BNC2: variants seen among roughly 807,000 people sequenced by gnomAD.
BNC2 encodes the protein basonuclin zinc finger protein 2.
Under a neutral mutation model 76.3 loss-of-function variants are expected in BNC2, and 20 were observed. The observed-to-expected ratio is 0.26, with a 90% CI of 0.18 to 0.38. The LOEUF (loss-of-function observed/expected upper bound fraction) is 0.38. Among genes scored for constraint, BNC2 ranks in the 10% least tolerant of loss-of-function variants. The probability of loss-of-function intolerance (pLI) is 1.00; values close to 1 mark genes in which losing one functional copy is unlikely to be tolerated. For missense variants in BNC2, 1,382 were observed against 1,399.8 expected (o/e 0.99, Z 0.20); for synonymous variants, 582 against 514.8 (o/e 1.13, Z -1.77).
intron 5 of BNC2, among the ~76,000 whole-genome samples, chr9:16,532,580 T>G (rs1292774255): frequency 6.6e-6 from 1 of 152,208 alleles, no homozygotes; most frequent in Non-Finnish European, 1.5e-5. Context: ...TCGGAAATTT[T>G]GGGAGTTGGT....
chr9:16,670,934 G>A (rs535411882), intron 3 of BNC2, among the ~76,000 whole-genome samples: 1 of 152,206 alleles, frequency 6.6e-6, no homozygotes, highest in African/African-American at 2.4e-5. Flanking sequence ...TCGCTAATTA[G>A]CACCTTCCCC....
chr9:16,614,215 G>A (rs538962035), intron 3 of BNC2, among the ~76,000 whole-genome samples: 20 of 152,262 alleles, frequency 1.3e-4, no homozygotes, highest in African/African-American at 4.8e-4. Flanking sequence ...TGAGATCTAC[G>A]GAAGAACTTC....
intron 1 of BNC2, among the ~76,000 whole-genome samples, chr9:16,739,641 C>T (rs1824784223): frequency 6.6e-6 from 1 of 152,094 alleles, no homozygotes; most frequent in Non-Finnish European, 1.5e-5. Context: ...CATTGCACTC[C>T]ACCCTGGGCA....
At chr9:16,760,925 T>C (rs1825534665) in intron 1 of BNC2, among the ~76,000 whole-genome samples, 1 of 152,040 alleles carries the variant, frequency 6.6e-6, no homozygotes, top group East Asian at 1.9e-4. Flanking sequence ...AACCAAGAAG[T>C]TCTGTTATCC....
intron 5 of BNC2, among the ~76,000 whole-genome samples, chr9:16,551,263 G>A (rs1587159890): frequency 6.6e-6 from 1 of 152,198 alleles, no homozygotes; most frequent in Non-Finnish European, 1.5e-5. Context: ...TCTGAGAGCA[G>A]ACAGGTTATT....
At chr9:16,845,395 A>T (rs1304828986) in intron 1 of BNC2, among the ~76,000 whole-genome samples, 3 of 152,172 alleles carry the variant, frequency 2.0e-5, no homozygotes, top group Admixed American at 2.0e-4. Flanking sequence ...TAATATACGC[A>T]TTAGAAAGAA....
At chr9:16,623,904 T>C (rs913737949) in intron 3 of BNC2, among the ~76,000 whole-genome samples, 24 of 152,196 alleles carry the variant, frequency 1.6e-4, no homozygotes, top group African/African-American at 5.8e-4. Flanking sequence ...GTCTCCTTGT[T>C]TAATGTTTCT....
chr9:16,843,774 G>A (rs1208586251), intron 1 of BNC2, among the ~76,000 whole-genome samples: 2 of 152,154 alleles, frequency 1.3e-5, no homozygotes, highest in East Asian at 1.9e-4. Flanking sequence ...TAGGTACTAC[G>A]CTTTTCATCA....
intron 5 of BNC2, among the ~76,000 whole-genome samples, chr9:16,518,665 G>A (rs753706630): frequency 4.6e-5 from 7 of 151,836 alleles, no homozygotes; most frequent in African/African-American, 1.5e-4. Flanking sequence ...CAGTAGCACC[G>A]TCTTGGCTCA....
intron 1 of BNC2, among the ~76,000 whole-genome samples, chr9:16,860,035 T>C (rs549807259): frequency 5.9e-5 from 9 of 152,076 alleles, no homozygotes; most frequent in Admixed American, 1.3e-4. Flanking sequence ...GGCAGGGGAA[T>C]TGCTTGAACC....
rs1818697026 is a variant in BNC2 at position 16,552,565 on chromosome 9, T to C, written c.634A>G (p.Thr212Ala). 2 of 1,614,058 alleles carry C rather than the reference T, an allele frequency of 1.2e-6. No homozygotes were observed. Among genetic ancestry groups the C allele is most frequent in the Admixed American group, 3.3e-5 (2 of 59,992 alleles). ...TATCCTCGGACATAGTCCCGCAGAG[T>C]CCAGCCAAGGCCGTGCAGTATGTGC... ...VLHILHGLGW[T>A]LRDYVRGYIL... Residue 212 changes from threonine to alanine, a missense_variant, in exon 5 of 7, where the codon ACT (threonine) becomes GCT (alanine). Physicochemically the swap from Thr to Ala is moderately conservative, Grantham distance 58. This residue lies in a region of BNC2 where 557 missense variants were observed against 540.9 expected (regional missense o/e 1.03). Coordinates refer to ENST00000380672, the MANE Select transcript of BNC2 (RefSeq NM_017637.6).
chr9:16,740,528 TC>T (rs1313146785), intron 1 of BNC2, among the ~76,000 whole-genome samples: 3 of 152,226 alleles, frequency 2.0e-5, no homozygotes, highest in Non-Finnish European at 4.4e-5. Context: ...GTATACAGAA[TC>T]CATATTGCAG....
At chr9:16,447,040 A>G (rs1014139150) in intron 5 of BNC2, among the ~76,000 whole-genome samples, 1 of 152,136 alleles carries the variant, frequency 6.6e-6, no homozygotes, top group Non-Finnish European at 1.5e-5. Context: ...ATTCCAAAGT[A>G]TTTTTCAAGT....
At chr9:16,502,778 G>A (rs1400694025) in intron 5 of BNC2, among the ~76,000 whole-genome samples, 1 of 152,150 alleles carries the variant, frequency 6.6e-6, no homozygotes, top group Non-Finnish European at 1.5e-5. Context: ...TCAACAGTAA[G>A]ATTTATTCTG....
chr9:16,522,868 GT>G (rs1817661721), intron 5 of BNC2, among the ~76,000 whole-genome samples: 2 of 152,108 alleles, frequency 1.3e-5, no homozygotes, highest in South Asian at 4.2e-4. Context: ...CCACCACTCT[GT>G]TTTAACCCCC....
chr9:16,590,997 C>T (rs1021304609), intron 3 of BNC2, among the ~76,000 whole-genome samples: 36 of 152,260 alleles, frequency 2.4e-4, no homozygotes, highest in African/African-American at 7.5e-4. Flanking sequence ...ATGAAACAAG[C>T]ACTTTTATAT....
intron 5 of BNC2, among the ~76,000 whole-genome samples, chr9:16,546,772 A>C (rs532426663): frequency 2.6e-5 from 4 of 152,276 alleles, no homozygotes; most frequent in Admixed American, 2.6e-4. Context: ...CTCTTCCCCC[A>C]AATCATGCCA....
chr9:16,609,064 T>C (rs1387076572), intron 3 of BNC2, among the ~76,000 whole-genome samples: 1 of 152,112 alleles, frequency 6.6e-6, no homozygotes, highest in Non-Finnish European at 1.5e-5. Flanking sequence ...ATGCGCAACA[T>C]GGGCTGTTTG....
chr9:16,865,293 G>A (rs62541920), intron 1 of BNC2, among the ~76,000 whole-genome samples: 16,392 of 151,956 alleles, frequency 0.11, 1,156 homozygotes, highest in Non-Finnish European at 0.16. Flanking sequence ...GAGTCATTTA[G>A]GAGTTTCACA....
Sources: gnomAD v4.1 joint callset for allele counts (sites outside exome capture counted in the v4.1 genomes callset) on GRCh38, gnomAD v4.1.1 for gene constraint, gnomAD v4.1.1 regional missense constraint, MANE v1.5 for transcripts, NCBI Gene and HGNC (gene_info 2026-07-23, HGNC 2026-07-21) for gene names.